Variants in LARGE1 observed in about 807,000 individuals in gnomAD.
LARGE1 encodes the protein xylosyl- and glucuronyltransferase LARGE1.
Under a neutral mutation model 87.6 loss-of-function variants are expected in LARGE1, and 43 were observed. That is an observed-to-expected ratio of 0.49 (90% CI 0.38 to 0.63). The LOEUF is 0.63. Ranked by LOEUF, LARGE1 falls within the 30% of genes least tolerant of loss-of-function variation. The pLI, the probability that LARGE1 is intolerant of heterozygous loss-of-function variation, is 0.00. For missense variants in LARGE1, 802 were observed against 1,000.2 expected, an observed-to-expected ratio of 0.80 and a Z score of 2.67; for synonymous variants, 434 against 394.6, an observed-to-expected ratio of 1.10 and a Z score of -1.18.
intron 6 of LARGE1, among the ~76,000 whole-genome samples, chr22:33,458,324 T>G (rs994913044): frequency 6.6e-6 from 1 of 152,144 alleles, no homozygotes; most frequent in African/African-American, 2.4e-5. Flanking sequence ...CAGGATGGTC[T>G]CGATCTCCTG....
intron 6 of LARGE1, among the ~76,000 whole-genome samples, chr22:33,506,325 AG>A (rs1338392221): frequency 5.3e-5 from 8 of 152,176 alleles, no homozygotes; most frequent in Non-Finnish European, 1.2e-4. Context: ...ACTCTGCACT[AG>A]GCACAGAAGC....
Position 33,301,096 on chromosome 22 carries a change from C to T in LARGE1, c.1730+3133G>A, listed in dbSNP as rs1034321883. ...TCCTCAGCTGCCACAGCAAACAGCA[C>T]CCTTAACCTCAACTCCCACCAGTGA... On this transcript the variant is annotated intron_variant, in intron 12 of 14. Transcript: ENST00000397394. Among the ~76,000 whole-genome samples the T allele has an allele frequency of 3.3e-5, 5 of 152,274 alleles. No homozygotes were observed. In the East Asian group the frequency reaches 5.8e-4, roughly 18 times the overall value.
the LARGE1 span, among the ~76,000 whole-genome samples, chr22:33,136,159 A>G: frequency 6.6e-6 from 1 of 152,346 alleles, no homozygotes. Context: ...CCAAAAGTTC[A>G]TATTCTTAAA....
At chr22:33,537,533 C>T (rs772784374) in intron 6 of LARGE1, among the ~76,000 whole-genome samples, 3 of 152,132 alleles carry the variant, frequency 2.0e-5, no homozygotes, top group African/African-American at 7.2e-5. Context: ...AACTTAATCG[C>T]TTATGTAAAG....
intron 2 of LARGE1, among the ~76,000 whole-genome samples, chr22:33,735,979 G>C (rs961469084): frequency 3.3e-5 from 5 of 152,122 alleles, no homozygotes; most frequent in Non-Finnish European, 1.5e-5. Flanking sequence ...TTCATTCCTT[G>C]TAATAGCTGA....
chr22:33,907,555 G>C (rs1236824559), intron 1 of LARGE1, among the ~76,000 whole-genome samples: 2 of 151,040 alleles, frequency 1.3e-5, no homozygotes, highest in African/African-American at 4.9e-5. Context: ...TTGAGAGCTT[G>C]TGTGAAGACA....
chr22:33,700,572 C>T (rs2082376259), intron 2 of LARGE1, among the ~76,000 whole-genome samples: 1 of 152,136 alleles, frequency 6.6e-6, no homozygotes, highest in South Asian at 2.1e-4. Context: ...TCCCGGTGGA[C>T]TTCATCTCTG....
At chr22:33,316,059 G>C in intron 11 of LARGE1, 26 bp downstream of exon 11, 1 of 1,611,924 alleles carries the variant, frequency 6.2e-7, no homozygotes. Flanking sequence ...TGAGGAGACT[G>C]GGGTGGGTGA....
At chr22:33,376,735 C>T (rs892545440) in intron 9 of LARGE1, among the ~76,000 whole-genome samples, 11 of 152,170 alleles carry the variant, frequency 7.2e-5, no homozygotes, top group Admixed American at 1.3e-4. Context: ...TTTTACTTTG[C>T]ATTTTTCTCT....
At chr22:33,717,535 A>C (rs1162853785) in intron 2 of LARGE1, among the ~76,000 whole-genome samples, 2 of 152,212 alleles carry the variant, frequency 1.3e-5, no homozygotes. Flanking sequence ...GAAATCCAGA[A>C]AGCCACAGAG....
intron 2 of LARGE1, among the ~76,000 whole-genome samples, chr22:33,683,288 T>G (rs1264867409): frequency 2.0e-5 from 3 of 152,224 alleles, no homozygotes; most frequent in Non-Finnish European, 4.4e-5. Flanking sequence ...ATAAAAAGGC[T>G]GAGTAAAAAG....
intron 2 of LARGE1, among the ~76,000 whole-genome samples, chr22:33,759,183 C>G (rs2084629996): frequency 6.6e-6 from 1 of 152,198 alleles, no homozygotes; most frequent in Admixed American, 6.5e-5. Context: ...GCCTGCCCTA[C>G]CTCTGAACTT....
intron 2 of LARGE1, among the ~76,000 whole-genome samples, chr22:33,719,874 A>C (rs2083041062): frequency 6.6e-6 from 1 of 152,014 alleles, no homozygotes; most frequent in African/African-American, 2.4e-5. Context: ...ACAAATGCTT[A>C]CCATTGTGTT....
At chr22:33,562,731 G>A (rs1408444795) in intron 6 of LARGE1, among the ~76,000 whole-genome samples, 1 of 152,196 alleles carries the variant, frequency 6.6e-6, no homozygotes, top group Non-Finnish European at 1.5e-5. Context: ...GCTACAGAGC[G>A]CCACTAGCAC....
rs973456261 is a variant in LARGE1 at position 33,871,993 on chromosome 22, AAAAAAG to A, written c.-83+47996_-83+48001del. Among the ~76,000 whole-genome samples, 7 of 151,518 alleles carry A rather than the reference AAAAAAG, an allele frequency of 4.6e-5. No homozygotes were observed. In the East Asian group the frequency reaches 5.8e-4, roughly 13 times the overall value. On this transcript the variant is annotated intron_variant, in intron 1 of 14. Transcript: ENST00000397394. Reference sequence around the variant, plus strand: ...TATTTCTAAATCAGCAAAAAAAAAAAAAAAAGAAAAGAAAACAATATTGGGGAAAGG... The same window carrying A: ...TATTTCTAAATCAGCAAAAAAAAAAAAAAAGAAAACAATATTGGGGAAAGG...
intron 6 of LARGE1, among the ~76,000 whole-genome samples, chr22:33,433,334 C>G (rs2067148480): frequency 6.6e-6 from 1 of 152,152 alleles, no homozygotes; most frequent in African/African-American, 2.4e-5. Flanking sequence ...CGGTGGCTCA[C>G]ACCTGTAATC....
At chr22:33,389,932 C>A (rs948662601) in intron 7 of LARGE1, among the ~76,000 whole-genome samples, 2 of 152,178 alleles carry the variant, frequency 1.3e-5, no homozygotes, top group Non-Finnish European at 2.9e-5. Context: ...GTCATTTATC[C>A]TGCCATTTCA....
chr22:33,175,477 G>A (rs1160649824), intron 11 of LARGE1, among the ~76,000 whole-genome samples: 5 of 152,230 alleles, frequency 3.3e-5, no homozygotes, highest in Non-Finnish European at 7.4e-5. Flanking sequence ...CAAAATCAAT[G>A]TGCAAAAATC....
rs545079211 is a variant in LARGE1, at chr22:33,858,719, T to C, written c.-83+61276A>G. Among the ~76,000 whole-genome samples the C allele has an allele frequency of 3.9e-4, 59 of 152,278 alleles. 1 individual carries two copies. In the South Asian group the frequency reaches 4.6e-3, roughly 12 times the overall value. ...GGTACATACCCAAAGGATTATAAAT[T>C]ATTCTACTATAAAGACACATGCACA... On this transcript the variant is annotated intron_variant, in intron 1 of 14. Transcript: ENST00000397394.
Sources: allele counts gnomAD v4.1 joint callset (sites outside exome capture counted in the v4.1 genomes callset), GRCh38; gene constraint gnomAD v4.1.1; transcripts MANE v1.5; gene names NCBI Gene and HGNC (gene_info 2026-07-23, HGNC 2026-07-21).